The following SNAP25 variants were observed in gnomAD, a reference collection of about 807,000 sequenced individuals.
SNAP25 encodes the protein synaptosome associated protein 25, also known as synaptosomal-associated protein 25.
SNAP25 carries 3 observed loss-of-function variants against 28.7 expected under a neutral mutation model. The observed-to-expected ratio is 0.10, with a 90% CI of 0.05 to 0.27. The LOEUF (loss-of-function observed/expected upper bound fraction) is 0.27. Among genes scored for constraint, SNAP25 ranks in the 10% least tolerant of loss-of-function variants. SNAP25 has a pLI of 1.00. For synonymous variants in SNAP25, 61 were observed against 88.1 expected (o/e 0.69, Z 1.72); for missense variants, 117 against 278.7 (o/e 0.42, Z 4.13).
At chr20:10,243,326 A>G (rs1186080783) in intron 1 of SNAP25, among the ~76,000 whole-genome samples, 5 of 152,214 alleles carry the variant, frequency 3.3e-5, no homozygotes, top group Non-Finnish European at 7.3e-5. Context: ...TTATCATGAT[A>G]CATCAATTAC....
intron 1 of SNAP25, among the ~76,000 whole-genome samples, chr20:10,269,211 A>T (rs938081934): frequency 6.6e-6 from 1 of 152,102 alleles, no homozygotes; most frequent in Non-Finnish European, 1.5e-5. Context: ...GGGGTTCGAG[A>T]CCAGCCTGGC....
At chr20:10,259,400 T>C (rs1021395568) in intron 1 of SNAP25, among the ~76,000 whole-genome samples, 1 of 152,200 alleles carries the variant, frequency 6.6e-6, no homozygotes, top group African/African-American at 2.4e-5. Flanking sequence ...TCTTCCAGCA[T>C]GGTAAACTTT....
At chr20:10,259,762 C>T (rs2063379990) in intron 1 of SNAP25, among the ~76,000 whole-genome samples, 1 of 152,202 alleles carries the variant, frequency 6.6e-6, no homozygotes, top group Admixed American at 6.5e-5. Context: ...GTCTGAAACT[C>T]ATGGCCTCAA....
chr20:10,276,032 A>G (rs1177213399), intron 2 of SNAP25, among the ~76,000 whole-genome samples: 1 of 152,234 alleles, frequency 6.6e-6, no homozygotes, highest in Non-Finnish European at 1.5e-5. Flanking sequence ...TTATTTTGCT[A>G]CATTTTACTA....
At position 10,293,234 on chromosome 20, in the gene SNAP25, G is replaced by A. The variant is rs1051277; in HGVS notation, c.237G>A (p.Thr79=). 1.2e-6 allele frequency: 2 copies of A among 1,614,014 alleles called. No homozygotes were observed. The highest frequency in any genetic ancestry group is 1.7e-6 in the Non-Finnish European group (2 of 1,179,960). ...KDMKEAEKNL[T]DLGKFCGLCV... is the part of the protein sequence containing the mutation. ...TGAAAGAAGCAGAAAAGAATTTGAC[G>A]GACCTAGGAAAATTCTGCGGGCTTT... The change falls in exon 5 of 8, where the codon ACG becomes ACA. Residue 79 remains threonine, a synonymous_variant. Coordinates refer to ENST00000254976, the MANE Select transcript of SNAP25 (RefSeq NM_130811.4). The surrounding 1 kb of genome is among the most constrained non-coding windows in gnomAD (Gnocchi z 5.6).
intron 7 of SNAP25, among the ~76,000 whole-genome samples, chr20:10,302,702 A>G (rs2064268983): frequency 6.6e-6 from 1 of 152,240 alleles, no homozygotes; most frequent in Admixed American, 6.5e-5. Flanking sequence ...CATCATAAAT[A>G]AAGTCCTACA....
intron 1 of SNAP25, among the ~76,000 whole-genome samples, chr20:10,264,410 G>C (rs2063471316): frequency 6.6e-6 from 1 of 152,208 alleles, no homozygotes; most frequent in Non-Finnish European, 1.5e-5. Context: ...TTTAATGCTA[G>C]TGCCTCTTCT....
chr20:10,223,353 G>A (rs897825407), intron 1 of SNAP25, among the ~76,000 whole-genome samples: 5 of 152,168 alleles, frequency 3.3e-5, no homozygotes, highest in Non-Finnish European at 5.9e-5. Context: ...AATAGTCAGT[G>A]GGTTCATGTA....
At chr20:10,292,177 G>A (rs986901023) in intron 4 of SNAP25, among the ~76,000 whole-genome samples, 2 of 152,194 alleles carry the variant, frequency 1.3e-5, no homozygotes, top group African/African-American at 2.4e-5. Flanking sequence ...TCAGGGGGCA[G>A]AGAAGTGAAA....
intron 7 of SNAP25, among the ~76,000 whole-genome samples, chr20:10,305,696 T>C (rs1600806785): frequency 6.6e-6 from 1 of 152,144 alleles, no homozygotes; most frequent in East Asian, 1.9e-4. Flanking sequence ...ATGTAATTTG[T>C]TCAAAGGGAC....
At chr20:10,303,177 A>T (rs556774474) in intron 7 of SNAP25, among the ~76,000 whole-genome samples, 12 of 152,288 alleles carry the variant, frequency 7.9e-5, no homozygotes, top group African/African-American at 2.9e-4. Context: ...TTTCCTTTGC[A>T]CTGAAGTGTC....
At chr20:10,297,379 T>C (rs2064136633) in intron 6 of SNAP25, among the ~76,000 whole-genome samples, 1 of 152,222 alleles carries the variant, frequency 6.6e-6, no homozygotes. Context: ...AAACCTTTGC[T>C]TGCTTACCTT....
chr20:10,259,644 T>G (rs2063378324), intron 1 of SNAP25, among the ~76,000 whole-genome samples: 1 of 152,122 alleles, frequency 6.6e-6, no homozygotes, highest in South Asian at 2.1e-4. Flanking sequence ...GCTTAAGCCA[T>G]CCTCCCACTT....
chr20:10,280,672 T>C (rs952475971), intron 3 of SNAP25, among the ~76,000 whole-genome samples: 2 of 152,216 alleles, frequency 1.3e-5, no homozygotes, highest in African/African-American at 4.8e-5. Flanking sequence ...CATCAATGCC[T>C]TGGGCTATGT....
Position 10,306,431 on chromosome 20 carries a change from CTT to C in SNAP25, c.*235_*236del. 2 of 418,526 alleles carry C rather than the reference CTT, an allele frequency of 4.8e-6. No individual in the cohort carries two copies. The highest frequency in any genetic ancestry group is 8.6e-6 in the Non-Finnish European group (2 of 232,962). The allele number at this position is 418,526 out of a possible 1,614,324, so 25.9% of individuals were successfully genotyped here. ...AGTGGTCATTTGGTGGCTCTAACTC[CTT>C]GAGGTCTTGAGTTTCATTTTTCATT... On this transcript the variant is annotated 3_prime_UTR_variant, in exon 8 of 8. Coordinates refer to ENST00000254976, the MANE Select transcript of SNAP25 (RefSeq NM_130811.4).
At chr20:10,294,470 A>C (rs1169304747) in intron 5 of SNAP25, among the ~76,000 whole-genome samples, 1 of 152,240 alleles carries the variant, frequency 6.6e-6, no homozygotes, top group Non-Finnish European at 1.5e-5. Context: ...TTAGCAAAAA[A>C]GAAACAAAGA....
intron 4 of SNAP25, 127 bp downstream of exon 4, chr20:10,284,899 GA>G: frequency 1.4e-6 from 1 of 715,252 alleles, no homozygotes; most frequent in East Asian, 2.6e-5. Flanking sequence ...GAGGGTTCTA[GA>G]TTTTTCATCT....
At chr20:10,302,811 C>A (rs1039103407) in intron 7 of SNAP25, among the ~76,000 whole-genome samples, 6 of 149,274 alleles carry the variant, frequency 4.0e-5, no homozygotes, top group African/African-American at 7.4e-5. Context: ...GAAGCTAATT[C>A]TTTTATATAA....
chr20:10,226,916 G>A (rs145881415), intron 1 of SNAP25, among the ~76,000 whole-genome samples: 17 of 152,126 alleles, frequency 1.1e-4, no homozygotes, highest in Admixed American at 5.2e-4. Context: ...ACTTTCTGCC[G>A]CTCATGGGAG....
Sources: gnomAD v4.1 joint callset for allele counts (sites outside exome capture counted in the v4.1 genomes callset) on GRCh38, gnomAD v4.1.1 for gene constraint, Gnocchi (gnomAD v3.1) non-coding constraint, MANE v1.5 for transcripts, NCBI Gene and HGNC (gene_info 2026-07-23, HGNC 2026-07-21) for gene names.